NOS1AP: variants seen among roughly 807,000 people sequenced by gnomAD.
NOS1AP encodes nitric oxide synthase 1 adaptor protein.
NOS1AP carries 21 observed loss-of-function variants against 56.2 expected under a neutral mutation model. The ratio of observed to expected loss-of-function variants is 0.37; its 90% CI spans 0.26 to 0.54. The LOEUF (loss-of-function observed/expected upper bound fraction) is 0.54. Ranked by LOEUF, NOS1AP falls within the 20% of genes least tolerant of loss-of-function variation. NOS1AP has a pLI of 0.84. For synonymous variants in NOS1AP, 270 were observed against 274.6 expected, an observed-to-expected ratio of 0.98 and a Z score of 0.17; for missense variants, 522 against 657.8, an observed-to-expected ratio of 0.79 and a Z score of 2.26.
chr1:162,228,916 A>AT (rs1470692433), intron 2 of NOS1AP, among the ~76,000 whole-genome samples: 1 of 152,280 alleles, frequency 6.6e-6, no homozygotes, highest in Non-Finnish European at 1.5e-5. Flanking sequence ...ACTTGCAGTC[A>AT]TATTGGACAT....
intron 8 of NOS1AP, among the ~76,000 whole-genome samples, chr1:162,358,401 A>C (rs1657770927): frequency 6.6e-6 from 1 of 152,150 alleles, no homozygotes; most frequent in Non-Finnish European, 1.5e-5. Context: ...GTTTCAGGAG[A>C]GTAGAGTCAA....
At chr1:162,200,439 C>G (rs1452705687) in intron 2 of NOS1AP, among the ~76,000 whole-genome samples, 1 of 152,208 alleles carries the variant, frequency 6.6e-6, no homozygotes, top group Non-Finnish European at 1.5e-5. Flanking sequence ...AGGCTACCAG[C>G]CTTCCCTGGG....
At chr1:162,294,353 G>A (rs1334977517) in intron 3 of NOS1AP, among the ~76,000 whole-genome samples, 1 of 152,084 alleles carries the variant, frequency 6.6e-6, no homozygotes, top group Admixed American at 6.6e-5. Flanking sequence ...TCCCAGGGAC[G>A]GGCCTGCCTT....
intron 2 of NOS1AP, among the ~76,000 whole-genome samples, chr1:162,260,305 A>G (rs1654165559): frequency 1.3e-5 from 2 of 152,214 alleles, no homozygotes; most frequent in Non-Finnish European, 2.9e-5. Flanking sequence ...ACTTTAAATC[A>G]TATGGATTCC....
At chr1:162,297,696 T>C (rs1477634427) in intron 3 of NOS1AP, among the ~76,000 whole-genome samples, 1 of 152,062 alleles carries the variant, frequency 6.6e-6, no homozygotes, top group Non-Finnish European at 1.5e-5. Flanking sequence ...CCGAGGCAAC[T>C]GTAGTTTAAA....
intron 2 of NOS1AP, among the ~76,000 whole-genome samples, chr1:162,253,774 C>T (rs1475809798): frequency 6.6e-6 from 1 of 152,126 alleles, no homozygotes; most frequent in Non-Finnish European, 1.5e-5. Flanking sequence ...TTTTAAACAT[C>T]TCTTGATTTT....
At chr1:162,088,797 G>A (rs769624770) in intron 1 of NOS1AP, among the ~76,000 whole-genome samples, 1 of 152,152 alleles carries the variant, frequency 6.6e-6, no homozygotes, top group Non-Finnish European at 1.5e-5. Flanking sequence ...GCATTTGGCT[G>A]GACACTGCTA....
chr1:162,107,385 G>A (rs1245238406), intron 1 of NOS1AP, among the ~76,000 whole-genome samples: 1 of 152,202 alleles, frequency 6.6e-6, no homozygotes, highest in Non-Finnish European at 1.5e-5. Flanking sequence ...ATTCAGGCTG[G>A]AATGCTGTGG....
At chr1:162,261,508 G>GGGGA (rs1333012109) in intron 2 of NOS1AP, among the ~76,000 whole-genome samples, 1 of 13,606 alleles carries the variant, frequency 7.3e-5, no homozygotes, top group Non-Finnish European at 1.9e-4. Flanking sequence ...GAGAGAGAGA[G>GGGGA]AGAGAGAGAG....
chr1:162,233,801 G>C (rs547354758), intron 2 of NOS1AP, among the ~76,000 whole-genome samples: 2 of 152,332 alleles, frequency 1.3e-5, no homozygotes, highest in East Asian at 3.9e-4. Context: ...GGCCTACTAA[G>C]TGGTTCCTCT....
chr1:162,270,051 A>G (rs115941482), intron 2 of NOS1AP, among the ~76,000 whole-genome samples: 140 of 152,316 alleles, frequency 9.2e-4, no homozygotes, highest in African/African-American at 3.2e-3. Context: ...TATATTAAAA[A>G]TAGATGGAAG....
intron 4 of NOS1AP, among the ~76,000 whole-genome samples, chr1:162,326,238 A>T (rs1458982592): frequency 6.6e-6 from 1 of 152,116 alleles, no homozygotes; most frequent in Non-Finnish European, 1.5e-5. Flanking sequence ...TTGCTGGGAG[A>T]GACCCAGTGG....
intron 1 of NOS1AP, among the ~76,000 whole-genome samples, chr1:162,092,724 G>A (rs1284480199): frequency 6.6e-6 from 1 of 152,178 alleles, no homozygotes; most frequent in Non-Finnish European, 1.5e-5. Context: ...CTCACCTACT[G>A]TGTGTTGTTG....
At chr1:162,086,068 G>A (rs1691993251) in intron 1 of NOS1AP, among the ~76,000 whole-genome samples, 2 of 152,112 alleles carry the variant, frequency 1.3e-5, no homozygotes, top group African/African-American at 4.8e-5. Context: ...GTTCCACTGA[G>A]CTTTCTGTAG....
intron 2 of NOS1AP, among the ~76,000 whole-genome samples, chr1:162,283,882 G>T (rs192195936): frequency 1.3e-5 from 2 of 152,216 alleles, no homozygotes; most frequent in African/African-American, 4.8e-5. Flanking sequence ...GGCCAGGCCC[G>T]TTGGCACAGA....
intron 4 of NOS1AP, among the ~76,000 whole-genome samples, chr1:162,303,058 TAACCA>T (rs1387610741): frequency 6.6e-6 from 1 of 152,232 alleles, no homozygotes; most frequent in Non-Finnish European, 1.5e-5. Context: ...ACAGCTTGCG[TAACCA>T]TTCATGTGTT....
intron 2 of NOS1AP, among the ~76,000 whole-genome samples, chr1:162,252,129 C>T (rs573609677): frequency 6.6e-6 from 1 of 152,048 alleles, no homozygotes; most frequent in Admixed American, 6.6e-5. Context: ...AGCCTCAGCC[C>T]TCAACCTCAC....
chr1:162,122,787 G>A (rs1648296252), intron 1 of NOS1AP, among the ~76,000 whole-genome samples: 2 of 152,150 alleles, frequency 1.3e-5, no homozygotes, highest in African/African-American at 2.4e-5. Flanking sequence ...TTACAGGCAT[G>A]AGCCATGGCA....
chr1:162,244,032 CT>C (rs1207368601), intron 2 of NOS1AP, among the ~76,000 whole-genome samples: 1 of 152,186 alleles, frequency 6.6e-6, no homozygotes, highest in Non-Finnish European at 1.5e-5. Flanking sequence ...TTGGCACAGA[CT>C]CATTTATAAG....
Sources: gnomAD v4.1 joint callset for allele counts (sites outside exome capture counted in the v4.1 genomes callset) on GRCh38, gnomAD v4.1.1 for gene constraint, MANE v1.5 for transcripts, NCBI Gene and HGNC (gene_info 2026-07-23, HGNC 2026-07-21) for gene names.